Variants in SLC4A4 observed in about 807,000 individuals in gnomAD.
SLC4A4 encodes the protein electrogenic sodium bicarbonate cotransporter 1.
A neutral mutation model predicts 111.5 loss-of-function variants in SLC4A4; 27 were observed. The observed-to-expected ratio is 0.24, with a 90% CI of 0.18 to 0.33. The LOEUF (loss-of-function observed/expected upper bound fraction) is 0.33, where lower values mean the gene tolerates loss of function less well. SLC4A4 is among the 10% of genes least tolerant of loss of function. The pLI is 1.00. For synonymous variants in SLC4A4, 443 were observed against 463.4 expected, an observed-to-expected ratio of 0.96 and a Z score of 0.57; for missense variants, 909 against 1,315.5, an observed-to-expected ratio of 0.69 and a Z score of 4.78.
chr4:71,321,252 A>G (rs1727097691), intron 3 of SLC4A4, among the ~76,000 whole-genome samples: 1 of 152,028 alleles, frequency 6.6e-6, no homozygotes, highest in Admixed American at 6.6e-5. Context: ...TCTGCGTTAA[A>G]AGTTGGTCCT....
At chr4:71,146,626 G>A (rs1457761905) in intron 2 of SLC4A4, among the ~76,000 whole-genome samples, 3 of 152,194 alleles carry the variant, frequency 2.0e-5, no homozygotes, top group South Asian at 2.1e-4. Context: ...ATGAATCTGG[G>A]TGCTCCTGTA....
At chr4:71,356,504 T>A (rs1730294204) in intron 5 of SLC4A4, among the ~76,000 whole-genome samples, 1 of 152,232 alleles carries the variant, frequency 6.6e-6, no homozygotes, top group Admixed American at 6.5e-5. Context: ...GGTGTTCAGA[T>A]GACCTGATAT....
chr4:71,107,430 T>C (rs560388894), intron 2 of SLC4A4, among the ~76,000 whole-genome samples: 1 of 152,230 alleles, frequency 6.6e-6, no homozygotes, highest in African/African-American at 2.4e-5. Flanking sequence ...CATTGCAACC[T>C]CTGCCTCCCA....
chr4:71,448,807 G>A (rs1725495538), intron 9 of SLC4A4, among the ~76,000 whole-genome samples: 1 of 152,100 alleles, frequency 6.6e-6, no homozygotes, highest in South Asian at 2.1e-4. Flanking sequence ...GTGTTAAGTG[G>A]AGAAAGGGGT....
intron 6 of SLC4A4, among the ~76,000 whole-genome samples, chr4:71,363,737 T>A (rs1731005371): frequency 6.6e-6 from 1 of 152,184 alleles, no homozygotes. Flanking sequence ...CATCCACCTG[T>A]TTTGTTCAGG....
chr4:71,341,100 T>G (rs113882619), intron 4 of SLC4A4, among the ~76,000 whole-genome samples: 44 of 152,170 alleles, frequency 2.9e-4, no homozygotes, highest in African/African-American at 1.1e-3. Flanking sequence ...CAAGATAATG[T>G]TAAGATAAAC....
intron 1 of SLC4A4, among the ~76,000 whole-genome samples, chr4:71,231,282 G>A (rs893662611): frequency 3.3e-5 from 5 of 152,184 alleles, no homozygotes; most frequent in East Asian, 1.9e-4. Context: ...TGGTGAGCAC[G>A]TTGGCAGTTG....
At chr4:71,126,892 C>T (rs1743576427) in intron 2 of SLC4A4, among the ~76,000 whole-genome samples, 1 of 152,098 alleles carries the variant, frequency 6.6e-6, no homozygotes, top group African/African-American at 2.4e-5. Context: ...ATGAGATGAC[C>T]TTTGGTTCTG....
intron 13 of SLC4A4, among the ~76,000 whole-genome samples, chr4:71,469,797 T>A (rs563363851): frequency 6.6e-6 from 1 of 151,998 alleles, no homozygotes; most frequent in Non-Finnish European, 1.5e-5. Flanking sequence ...TTTGGGTCAT[T>A]CTTGTTGAAC....
intron 18 of SLC4A4, among the ~76,000 whole-genome samples, chr4:71,536,449 C>CATATATATATATATATAT (rs1560597622): frequency 1.2e-3 from 6 of 4,850 alleles, no homozygotes; most frequent in African/African-American, 1.7e-3. Flanking sequence ...AGCATATATA[C>CATATATATATATATATAT]ATATATACAT....
intron 2 of SLC4A4, among the ~76,000 whole-genome samples, chr4:71,120,500 C>T (rs977760997): frequency 1.3e-5 from 2 of 152,182 alleles, no homozygotes; most frequent in Non-Finnish European, 2.9e-5. Context: ...GCTTTTCCCT[C>T]TAGTCTCTAC....
At chr4:71,204,502 C>CTGTGAA (rs1421572523) in intron 1 of SLC4A4, among the ~76,000 whole-genome samples, 1 of 152,090 alleles carries the variant, frequency 6.6e-6, no homozygotes, top group East Asian at 1.9e-4. Context: ...TTCTTGTTTC[C>CTGTGAA]ATACAGGTTT....
intron 1 of SLC4A4, among the ~76,000 whole-genome samples, chr4:71,201,333 A>G (rs187949032): frequency 2.0e-5 from 3 of 152,278 alleles, no homozygotes; most frequent in African/African-American, 7.2e-5. Flanking sequence ...GTCATGATAT[A>G]TGGGCTGCCT....
intron 2 of SLC4A4, among the ~76,000 whole-genome samples, chr4:71,136,980 G>GAGGT (rs1340802198): frequency 6.6e-6 from 1 of 152,136 alleles, no homozygotes; most frequent in Non-Finnish European, 1.5e-5. Context: ...GACCAAAGAA[G>GAGGT]AGGTACCTCT....
chr4:71,312,474 G>T (rs1726283350), intron 3 of SLC4A4, among the ~76,000 whole-genome samples: 1 of 152,148 alleles, frequency 6.6e-6, no homozygotes, highest in South Asian at 2.1e-4. Context: ...AACAAGAAAA[G>T]AAAATTTCAG....
chr4:71,248,917 A>C (rs56260055), intron 2 of SLC4A4, among the ~76,000 whole-genome samples: 5,253 of 152,294 alleles, frequency 0.034, 253 homozygotes, highest in African/African-American at 0.11. Context: ...GAGCTAAAGG[A>C]CAGGAGTCTA....
intron 2 of SLC4A4, among the ~76,000 whole-genome samples, chr4:71,107,300 CCTT>C (rs1287911079): frequency 6.6e-6 from 1 of 151,976 alleles, no homozygotes; most frequent in African/African-American, 2.4e-5. Flanking sequence ...TCTTTTTTGT[CCTT>C]CATTTCCGGC....
At chr4:71,465,645 G>A (rs1727239769) in intron 12 of SLC4A4, among the ~76,000 whole-genome samples, 1 of 151,846 alleles carries the variant, frequency 6.6e-6, no homozygotes, top group Non-Finnish European at 1.5e-5. Context: ...TTGGTCCTGA[G>A]TGACGTGATT....
intron 6 of SLC4A4, among the ~76,000 whole-genome samples, chr4:71,361,553 T>A (rs1032592014): frequency 6.6e-6 from 1 of 152,222 alleles, no homozygotes. Flanking sequence ...ATTTCTATAA[T>A]GTTGCATGAA....
Sources: gnomAD v4.1 joint callset for allele counts (sites outside exome capture counted in the v4.1 genomes callset) on GRCh38, gnomAD v4.1.1 for gene constraint, MANE v1.5 for transcripts, NCBI Gene and HGNC (gene_info 2026-07-23, HGNC 2026-07-21) for gene names.